Variants in GLG1 observed in about 807,000 individuals in gnomAD.
GLG1 encodes the protein golgi glycoprotein 1, also known as Golgi apparatus protein 1.
In GLG1, 38 loss-of-function variants were observed where a neutral mutation model predicts 160.5. The ratio of observed to expected loss-of-function variants is 0.24; its 90% CI spans 0.18 to 0.31. The LOEUF (loss-of-function observed/expected upper bound fraction) is 0.31. Ranked by LOEUF, GLG1 falls within the 10% of genes least tolerant of loss-of-function variation. GLG1 has a pLI of 1.00. For synonymous variants in GLG1, 644 were observed against 543.4 expected, an observed-to-expected ratio of 1.19 and a Z score of -2.57; for missense variants, 1,373 against 1,505.2, an observed-to-expected ratio of 0.91 and a Z score of 1.45.
At chr16:74,593,010 A>G (rs747287890) in intron 1 of GLG1, among the ~76,000 whole-genome samples, 5 of 152,148 alleles carry the variant, frequency 3.3e-5, no homozygotes, top group Non-Finnish European at 7.3e-5. Context: ...TGAGTTCTGC[A>G]CATTCCTTGT....
intron 3 of GLG1, among the ~76,000 whole-genome samples, chr16:74,505,504 G>A (rs1266304836): frequency 6.6e-6 from 1 of 152,174 alleles, no homozygotes; most frequent in South Asian, 2.1e-4. Flanking sequence ...TGGATCACTT[G>A]AAGTTAGGAG....
intron 4 of GLG1, among the ~76,000 whole-genome samples, chr16:74,501,964 C>A (rs1051126794): frequency 6.6e-6 from 1 of 152,160 alleles, no homozygotes; most frequent in African/African-American, 2.4e-5. Flanking sequence ...AGGCCCTGTG[C>A]TCATATTAAG....
intron 8 of GLG1, among the ~76,000 whole-genome samples, chr16:74,489,370 T>G (rs1341546499): frequency 1.3e-5 from 2 of 151,456 alleles, no homozygotes; most frequent in Admixed American, 6.6e-5. Flanking sequence ...ACTCAGGAGG[T>G]TGAGGCAGGA....
chr16:74,448,566 A>G lies in GLG1; in HGVS notation c.*4601T>C, dbSNP rs1767966990. On this transcript the variant is annotated 3_prime_UTR_variant, in exon 26 of 26. Transcript: ENST00000422840. ...GGAGTTCGAAACCAGCGTGGCCAAC[A>G]TGATGAAATCCTGTCTCTACTAAAA... The G allele has an allele frequency of 6.6e-6, 1 of 152,190 alleles. No individual in the cohort carries two copies. Among genetic ancestry groups the G allele is most frequent in the Non-Finnish European group, 1.5e-5 (1 of 68,052 alleles). The allele number at this position is 152,190 out of a possible 1,614,324, so 9.4% of individuals were successfully genotyped here.
chr16:74,501,257 A>T (rs946524386), intron 4 of GLG1, among the ~76,000 whole-genome samples: 3 of 152,158 alleles, frequency 2.0e-5, no homozygotes, highest in Admixed American at 2.0e-4. Flanking sequence ...ATAGGAAGGA[A>T]GGTGTTTTTT....
At chr16:74,479,734 G>A (rs1237265463) in intron 11 of GLG1, among the ~76,000 whole-genome samples, 4 of 152,126 alleles carry the variant, frequency 2.6e-5, no homozygotes, top group Admixed American at 6.6e-5. Flanking sequence ...GGAAGCAGCC[G>A]ATGCTGCCGA....
At chr16:74,521,386 G>A (rs1464572657) in intron 2 of GLG1, among the ~76,000 whole-genome samples, 1 of 152,136 alleles carries the variant, frequency 6.6e-6, no homozygotes, top group East Asian at 1.9e-4. Context: ...CTGCTTAGGA[G>A]GCCAACACAG....
intron 1 of GLG1, among the ~76,000 whole-genome samples, chr16:74,550,828 A>C (rs1253218280): frequency 6.6e-6 from 1 of 152,202 alleles, no homozygotes; most frequent in African/African-American, 2.4e-5. Context: ...GGAATGCTAC[A>C]TTTTGATAAT....
chr16:74,576,776 T>A (rs142855491), intron 1 of GLG1, among the ~76,000 whole-genome samples: 1 of 152,098 alleles, frequency 6.6e-6, no homozygotes, highest in South Asian at 2.1e-4. Context: ...GAAGAAAAAA[T>A]TTTTATTGTT....
At chr16:74,490,025 A>G (rs929057433) in intron 8 of GLG1, among the ~76,000 whole-genome samples, 1 of 152,190 alleles carries the variant, frequency 6.6e-6, no homozygotes, top group African/African-American at 2.4e-5. Context: ...TGGCTTTCTA[A>G]AGTTACACTG....
intron 2 of GLG1, among the ~76,000 whole-genome samples, chr16:74,529,054 C>T (rs926842590): frequency 1.3e-5 from 2 of 151,278 alleles, no homozygotes; most frequent in Non-Finnish European, 2.9e-5. Flanking sequence ...GCAACCTCCA[C>T]CTCCCAGATT....
chr16:74,509,205 T>G (rs2016720450), intron 2 of GLG1, among the ~76,000 whole-genome samples: 1 of 134,766 alleles, frequency 7.4e-6, no homozygotes, highest in African/African-American at 2.8e-5. Context: ...AGAGTTTCAC[T>G]CTTGTTGCCC....
chr16:74,522,118 G>A (rs879364723), intron 2 of GLG1, among the ~76,000 whole-genome samples: 2 of 152,190 alleles, frequency 1.3e-5, no homozygotes, highest in Admixed American at 1.3e-4. Context: ...TTGATATTTT[G>A]CTCTCATTAG....
At chr16:74,457,261 G>C (rs1300770250) in intron 24 of GLG1, among the ~76,000 whole-genome samples, 1 of 152,154 alleles carries the variant, frequency 6.6e-6, no homozygotes, top group East Asian at 1.9e-4. Context: ...GCCAGGCATG[G>C]TGGTGGGTGC....
chr16:74,506,081 A>AT (rs71376213), intron 3 of GLG1, among the ~76,000 whole-genome samples: 42,812 of 101,880 alleles, frequency 0.42, 9,694 homozygotes, highest in Middle Eastern at 0.47. Flanking sequence ...CCTGGAAAAG[A>AT]TTTTTTTTTT....
chr16:74,535,202 A>G (rs2017655699), intron 1 of GLG1, among the ~76,000 whole-genome samples: 1 of 152,218 alleles, frequency 6.6e-6, no homozygotes, highest in Non-Finnish European at 1.5e-5. Flanking sequence ...TAATATATCT[A>G]TCAAACAAAT....
At chr16:74,593,526 C>G (rs1165724461) in intron 1 of GLG1, among the ~76,000 whole-genome samples, 2 of 151,732 alleles carry the variant, frequency 1.3e-5, no homozygotes, top group Non-Finnish European at 2.9e-5. Context: ...CCTCCACCTC[C>G]CAGGTTCAAG....
At chr16:74,594,095 C>T (rs1037312587) in intron 1 of GLG1, among the ~76,000 whole-genome samples, 1 of 151,888 alleles carries the variant, frequency 6.6e-6, no homozygotes. Context: ...GTAGGAGAGA[C>T]GGGATTTCGA....
chr16:74,479,086 A>G (rs1159999539), intron 11 of GLG1, among the ~76,000 whole-genome samples: 1 of 128,696 alleles, frequency 7.8e-6, no homozygotes, highest in Non-Finnish European at 1.7e-5. Flanking sequence ...AAAGCCAGGC[A>G]TGACGGCAGG....
Sources: allele counts gnomAD v4.1 joint callset (sites outside exome capture counted in the v4.1 genomes callset), GRCh38; gene constraint gnomAD v4.1.1; transcripts MANE v1.5; gene names NCBI Gene and HGNC (gene_info 2026-07-23, HGNC 2026-07-21).